Variants in EPHA3 observed in about 807,000 individuals in gnomAD.
EPHA3 encodes the protein ephrin type-A receptor 3.
A neutral mutation model predicts 107.1 loss-of-function variants in EPHA3; 42 were observed. The observed-to-expected ratio is 0.39, with a 90% CI of 0.31 to 0.51. The LOEUF (loss-of-function observed/expected upper bound fraction) is 0.51, where lower values mean the gene tolerates loss of function less well. Ranked by LOEUF, EPHA3 falls within the 20% of genes least tolerant of loss-of-function variation. The pLI, the probability that EPHA3 is intolerant of heterozygous loss-of-function variation, is 0.78. For synonymous variants in EPHA3, 461 were observed against 424.8 expected, an observed-to-expected ratio of 1.09 and a Z score of -1.05; for missense variants, 1,183 against 1,211.2, an observed-to-expected ratio of 0.98 and a Z score of 0.35.
intron 2 of EPHA3, among the ~76,000 whole-genome samples, chr3:89,174,700 CT>C (rs1478782221): frequency 6.6e-6 from 1 of 151,866 alleles, no homozygotes; most frequent in Non-Finnish European, 1.5e-5. Context: ...AATGAAGTTA[CT>C]TTTTAAAATT....
chr3:89,130,616 A>C (rs1458946013), intron 2 of EPHA3, among the ~76,000 whole-genome samples: 3 of 144,536 alleles, frequency 2.1e-5, no homozygotes, highest in Non-Finnish European at 4.5e-5. Flanking sequence ...TGGGAGTAGT[A>C]TTTCTATCTC....
In EPHA3 at chr3:89,479,701, G is replaced by T. The variant is rs918689054; in HGVS notation, c.*199G>T. 62 of 480,524 alleles carry T rather than the reference G, an allele frequency of 1.3e-4. No homozygotes were observed. The highest frequency in any genetic ancestry group is 1.1e-3 in the Middle Eastern group (2 of 1,862). The allele number at this position is 480,524 out of a possible 1,614,324, so 29.8% of individuals were successfully genotyped here. On this transcript the variant is annotated 3_prime_UTR_variant, in exon 17 of 17. Transcript: ENST00000336596. ...ATCATTTATTGGATGGGTGGGTGGG[G>T]TATTTTTTTGTAATTGCTTTTTTAA...
Position 89,431,309 on chromosome 3 carries a change from G to T in EPHA3, c.2296G>T (p.Gly766Ter), listed in dbSNP as rs1709564426. 1 of 1,613,294 alleles carries T rather than the reference G, an allele frequency of 6.2e-7. No homozygotes were observed. The highest frequency in any genetic ancestry group is 8.5e-7 in the Non-Finnish European group (1 of 1,179,838). Residue 766 changes from glycine to a stop codon, truncating the protein, a stop_gained, in exon 13 of 17, where the codon GGA becomes TGA. Transcript: ENST00000336596. LOFTEE classifies it high-confidence loss of function. ...SNLVCKVSDFGLSRVLEDDPE... is the reference protein window; with the variant it reads ...SNLVCKVSDF Reference sequence around the variant, plus strand: ...CTTGGTGTGTAAGGTTTCTGATTTCGGACTTTCGCGTGTCCTGGAGGATGA... The same window carrying T: ...CTTGGTGTGTAAGGTTTCTGATTTCTGACTTTCGCGTGTCCTGGAGGATGA...
At chr3:89,150,350 A>G (rs1038865961) in intron 2 of EPHA3, among the ~76,000 whole-genome samples, 4 of 152,042 alleles carry the variant, frequency 2.6e-5, no homozygotes, top group African/African-American at 4.8e-5. Flanking sequence ...AAAATTTGAT[A>G]CATATTCCCA....
At chr3:89,135,256 C>CAT (rs1276496125) in intron 2 of EPHA3, among the ~76,000 whole-genome samples, 1 of 152,130 alleles carries the variant, frequency 6.6e-6, no homozygotes, top group Non-Finnish European at 1.5e-5. Context: ...GCATACAACA[C>CAT]CTGATAAGTT....
At chr3:89,429,051 AT>A (rs1433556317) in intron 11 of EPHA3, 54 bp from the exon 12 acceptor site, 2 of 1,218,900 alleles carry the variant, frequency 1.6e-6, no homozygotes, top group African/African-American at 3.0e-5. Flanking sequence ...ATATATGTTC[AT>A]TGTATAATAC....
intron 2 of EPHA3, among the ~76,000 whole-genome samples, chr3:89,150,451 A>G (rs1455937266): frequency 6.6e-6 from 1 of 152,084 alleles, no homozygotes; most frequent in African/African-American, 2.4e-5. Flanking sequence ...TTAAAAGGCT[A>G]AAACAGATAT....
intron 2 of EPHA3, among the ~76,000 whole-genome samples, chr3:89,181,310 T>C (rs181852917): frequency 1.3e-5 from 2 of 152,106 alleles, no homozygotes; most frequent in African/African-American, 4.8e-5. Context: ...ACAGATATAT[T>C]AAATAAATGA....
At chr3:89,313,958 G>A (rs1706833637) in intron 3 of EPHA3, among the ~76,000 whole-genome samples, 1 of 151,636 alleles carries the variant, frequency 6.6e-6, no homozygotes, top group Non-Finnish European at 1.5e-5. Flanking sequence ...TTTTTTAGTG[G>A]GAATAACTTA....
intron 3 of EPHA3, among the ~76,000 whole-genome samples, chr3:89,223,273 G>A (rs1298610589): frequency 3.9e-5 from 6 of 152,216 alleles, no homozygotes; most frequent in South Asian, 2.1e-4. Context: ...GCTTCAGTGC[G>A]GAACTATTAG....
intron 2 of EPHA3, among the ~76,000 whole-genome samples, chr3:89,132,352 A>G (rs895652349): frequency 9.2e-5 from 14 of 152,192 alleles, no homozygotes; most frequent in African/African-American, 3.1e-4. Context: ...TACAGGATAG[A>G]ATGTTTTATC....
At chr3:89,407,875 C>T (rs1454453171) in intron 8 of EPHA3, among the ~76,000 whole-genome samples, 192 bp from the exon 9 acceptor site, 4 of 152,156 alleles carry the variant, frequency 2.6e-5, no homozygotes, top group Non-Finnish European at 5.9e-5. Context: ...CCTCATTAGG[C>T]AGCTTTCCAG....
At position 89,209,873 on chromosome 3, in the gene EPHA3, G is replaced by A. The variant is rs1223603848; in HGVS notation, c.167G>A (p.Ser56Asn). The change falls in exon 3 of 17, where the codon AGT (serine) becomes AAT (asparagine). Residue 56 changes from serine (S) to asparagine (N), a missense_variant. Ser to Asn is a conservative substitution (Grantham distance 46). Transcript: ENST00000336596. ...TTGATTCTTCAGTGGGAAGAGATCA[G>A]TGGTGTGGATGAACATTACACACCC... ...SYPSHGWEEI[S>N]GVDEHYTPIR... is the part of the protein sequence containing the mutation. 1 of 1,602,316 alleles carries A rather than the reference G, an allele frequency of 6.2e-7. No individual in the cohort carries two copies. Among genetic ancestry groups the A allele is most frequent in the African/African-American group, 1.3e-5 (1 of 74,722 alleles).
At chr3:89,254,318 T>C (rs532378435) in intron 3 of EPHA3, among the ~76,000 whole-genome samples, 3 of 152,308 alleles carry the variant, frequency 2.0e-5, no homozygotes, top group Non-Finnish European at 4.4e-5. Context: ...CAATAATCCT[T>C]GTACATTTAC....
At chr3:89,164,721 C>A (rs13058761) in intron 2 of EPHA3, among the ~76,000 whole-genome samples, 18,640 of 152,102 alleles carry the variant, frequency 0.12, 1,180 homozygotes, top group Middle Eastern at 0.18. Flanking sequence ...AAAGTATATG[C>A]TTTTCTGCCC....
At chr3:89,378,873 A>C (rs1164733609) in intron 5 of EPHA3, among the ~76,000 whole-genome samples, 2 of 152,210 alleles carry the variant, frequency 1.3e-5, no homozygotes, top group African/African-American at 4.8e-5. Flanking sequence ...TCAATCAGTT[A>C]ATCAGTTCTC....
At chr3:89,435,705 C>A (rs1229216816) in intron 13 of EPHA3, among the ~76,000 whole-genome samples, 4 of 149,182 alleles carry the variant, frequency 2.7e-5, no homozygotes, top group African/African-American at 4.9e-5. Flanking sequence ...GTAATCCCAG[C>A]ACTTTGAGAG....
intron 3 of EPHA3, among the ~76,000 whole-genome samples, chr3:89,227,141 C>T (rs1198924153): frequency 2.0e-5 from 3 of 152,152 alleles, no homozygotes; most frequent in South Asian, 4.1e-4. Flanking sequence ...TCCTGAATGG[C>T]ATGTGTATTC....
intron 11 of EPHA3, among the ~76,000 whole-genome samples, chr3:89,420,997 T>A (rs1395519562): frequency 1.3e-5 from 2 of 151,498 alleles, no homozygotes; most frequent in African/African-American, 2.4e-5. Flanking sequence ...AATTAGCTTG[T>A]ATAACTAGAA....
Sources: gnomAD v4.1 joint callset for allele counts (sites outside exome capture counted in the v4.1 genomes callset) on GRCh38, gnomAD v4.1.1 for gene constraint, MANE v1.5 for transcripts, NCBI Gene and HGNC (gene_info 2026-07-23, HGNC 2026-07-21) for gene names.